BLTP1: variants seen among roughly 807,000 people sequenced by gnomAD.
BLTP1 encodes bridge-like lipid transfer protein family member 1.
the BLTP1 span, chr4:122,219,117 G>GAT: frequency 1.0e-6 from 1 of 983,194 alleles, no homozygotes; most frequent in African/African-American, 1.7e-5. Context: ...CTATAAAATA[G>GAT]GCTCTGTAAC....
chr4:122,309,159 C>T, the BLTP1 span: 17 of 1,434,690 alleles, frequency 1.2e-5, no homozygotes, highest in Non-Finnish European at 1.5e-5. Context: ...ATGAACATAT[C>T]TAGGCTTGAC....
chr4:122,330,604 C>T, the BLTP1 span, among the ~76,000 whole-genome samples: 1 of 151,718 alleles, frequency 6.6e-6, no homozygotes, highest in Non-Finnish European at 1.5e-5. Context: ...TTGTTACATA[C>T]TTTGGGAATT....
chr4:122,203,522 C>T, the BLTP1 span, among the ~76,000 whole-genome samples: 1 of 151,766 alleles, frequency 6.6e-6, no homozygotes, highest in Non-Finnish European at 1.5e-5. Context: ...TTTAGCTTGC[C>T]ATAACTTTTT....
chr4:122,263,305 A>G, the BLTP1 span: 1 of 1,411,318 alleles, frequency 7.1e-7, no homozygotes, highest in Non-Finnish European at 9.2e-7. Flanking sequence ...TCCAAATACC[A>G]ACATTATGCA....
At chr4:122,255,718 C>T in the BLTP1 span, among the ~76,000 whole-genome samples, 1 of 152,014 alleles carries the variant, frequency 6.6e-6, no homozygotes, top group Non-Finnish European at 1.5e-5. Context: ...TTGGGAGTTG[C>T]CAGCATAAAG....
chr4:122,293,185 G>A, the BLTP1 span: 1 of 982,924 alleles, frequency 1.0e-6, no homozygotes, highest in Non-Finnish European at 1.2e-6. Flanking sequence ...TGACACAAAA[G>A]TAGGACAGTG....
chr4:122,315,769 T>C, the BLTP1 span: 1 of 1,253,262 alleles, frequency 8.0e-7, no homozygotes, highest in South Asian at 1.3e-5. Context: ...TGTTATTTAG[T>C]ATATTATAGT....
the BLTP1 span, chr4:122,289,059 G>A: frequency 1.9e-6 from 3 of 1,598,772 alleles, no homozygotes; most frequent in South Asian, 3.4e-5. Flanking sequence ...TGTAATCAGT[G>A]TTAATCTAAT....
chr4:122,196,035 G>A, the BLTP1 span, among the ~76,000 whole-genome samples: 1 of 152,116 alleles, frequency 6.6e-6, no homozygotes, highest in South Asian at 2.1e-4. Context: ...ATGATAAGGG[G>A]AGGCAAAAAC....
the BLTP1 span, chr4:122,328,666 G>A: frequency 1.1e-5 from 11 of 982,678 alleles, no homozygotes; most frequent in Non-Finnish European, 1.3e-5. Context: ...CTGTATTCCT[G>A]TGGCATTACA....
the BLTP1 span, chr4:122,333,524 G>T: frequency 8.5e-7 from 1 of 1,180,346 alleles, no homozygotes; most frequent in Non-Finnish European, 1.1e-6. Context: ...GTAGATTCTG[G>T]ATATTAGCCC....
the BLTP1 span, chr4:122,293,048 T>C: frequency 1.1e-6 from 1 of 933,628 alleles, no homozygotes; most frequent in Non-Finnish European, 1.3e-6. Context: ...GCTAATACTT[T>C]TCAGAAAAAT....
the BLTP1 span, among the ~76,000 whole-genome samples, chr4:122,323,455 T>TA: frequency 1.1e-4 from 16 of 149,862 alleles, no homozygotes; most frequent in South Asian, 6.3e-4. Flanking sequence ...TTTTTTTTTT[T>TA]AACCAGGATG....
the BLTP1 span, among the ~76,000 whole-genome samples, chr4:122,170,949 A>G: frequency 6.6e-6 from 1 of 152,190 alleles, no homozygotes; most frequent in Admixed American, 6.5e-5. Flanking sequence ...CTGCATTCTC[A>G]TCTGACTTAG....
the BLTP1 span, chr4:122,207,552 G>A: frequency 2.5e-6 from 4 of 1,580,626 alleles, no homozygotes; most frequent in Middle Eastern, 1.7e-4. Context: ...GTATCTGGCA[G>A]CCTGTGGAGA....
chr4:122,325,377 C>G, the BLTP1 span: 1 of 1,533,584 alleles, frequency 6.5e-7, no homozygotes, highest in Admixed American at 2.0e-5. Context: ...TTACAAATTA[C>G]AAAATTATGG....
chr4:122,164,552 G>T, the BLTP1 span: 1 of 305,164 alleles, frequency 3.3e-6, no homozygotes, highest in Non-Finnish European at 4.8e-6. Context: ...TATTGCTGCT[G>T]GTATTTACAT....
the BLTP1 span, among the ~76,000 whole-genome samples, chr4:122,252,977 A>C: frequency 9.9e-5 from 15 of 152,186 alleles, no homozygotes; most frequent in African/African-American, 3.6e-4. Context: ...GCTTGGGAGA[A>C]AGTAAGGGAA....
chr4:122,239,543 C>T, the BLTP1 span: 1 of 1,593,294 alleles, frequency 6.3e-7, no homozygotes, highest in South Asian at 1.1e-5. Context: ...CAGGAAACAG[C>T]CCTGTGTCTC....
Sources: gnomAD v4.1 joint callset for allele counts (sites outside exome capture counted in the v4.1 genomes callset) on GRCh38, gnomAD v4.1.1 for gene constraint, MANE v1.5 for transcripts, NCBI Gene and HGNC (gene_info 2026-07-23, HGNC 2026-07-21) for gene names.